The following ATP11A variants were observed in gnomAD, a reference collection of about 807,000 sequenced individuals.
ATP11A encodes the protein phospholipid-transporting ATPase IH.
A neutral mutation model predicts 154.4 loss-of-function variants in ATP11A; 81 were observed. The ratio of observed to expected loss-of-function variants is 0.52; its 90% CI spans 0.44 to 0.63. ATP11A has a LOEUF of 0.63. Ranked by LOEUF, ATP11A falls within the 30% of genes least tolerant of loss-of-function variation. ATP11A has a pLI of 0.00. For missense variants in ATP11A, 1,316 were observed against 1,474.3 expected, an observed-to-expected ratio of 0.89 and a Z score of 1.76; for synonymous variants, 623 against 585.9, an observed-to-expected ratio of 1.06 and a Z score of -0.91.
chr13:112,746,040 A>C lies in ATP11A; in HGVS notation c.40-39095A>C, dbSNP rs760670159. The C allele has an allele frequency of 1.3e-5, 2 of 152,026 alleles. No homozygotes were observed. Among genetic ancestry groups the C allele is most frequent in the Non-Finnish European group, 2.9e-5 (2 of 68,032 alleles). 9.4% of individuals were successfully genotyped at this position (152,026 alleles called of 1,614,324 possible). The stretch of plus-strand genomic sequence containing the variant: ...TCCTGTGTCGTTTTGTGGCGGAATC[A>C]CGTTCTGTTGTGTGTATACACCACG... On this transcript the variant is annotated intron_variant, in intron 1 of 29. Coordinates refer to ENST00000375645, the MANE Select transcript of ATP11A (RefSeq NM_015205.3). This position sits in a 1 kb window ranked among gnomAD's most constrained non-coding sequence, Gnocchi z 4.1.
intron 1 of ATP11A, among the ~76,000 whole-genome samples, chr13:112,769,153 A>G (rs2077167354): frequency 6.6e-6 from 1 of 151,836 alleles, no homozygotes; most frequent in South Asian, 2.1e-4. Context: ...CCAGGCTCCT[A>G]CCCTTCCCCA....
At chr13:112,727,128 A>G (rs1040171933) in intron 1 of ATP11A, among the ~76,000 whole-genome samples, 3 of 152,106 alleles carry the variant, frequency 2.0e-5, no homozygotes, top group Admixed American at 1.3e-4. Flanking sequence ...GCTCACTGCA[A>G]TCTCCGCCTC....
chr13:112,753,330 C>G lies in ATP11A; in HGVS notation c.40-31805C>G, dbSNP rs777794572. On this transcript the variant is annotated intron_variant, in intron 1 of 29. Transcript: ENST00000375645. The surrounding 1 kb of genome is among the most constrained non-coding windows in gnomAD (Gnocchi z 4.1). ...CCTTGTGAGTACATCAGCTATATTT[C>G]TGCGAGGACAGCTTTGGGATCGCTT... 6.6e-6 allele frequency among the ~76,000 whole-genome samples: 1 copy of G among 152,208 alleles called. No individual in the cohort carries two copies.
rs1035512451 is a variant in ATP11A at position 112,883,874 on chromosome 13, T to C, written c.*2008T>C. On this transcript the variant is annotated 3_prime_UTR_variant, in exon 30 of 30. Transcript: ENST00000375645. ...AATATGGGCATAAATGTAACACCTG[T>C]AGCGGGGGCAGATTCTCTGTATGTT... The C allele has an allele frequency of 6.6e-6, 1 of 152,626 alleles. No individual in the cohort carries two copies. The highest frequency in any genetic ancestry group is 2.4e-5 in the African/African-American group (1 of 41,480). The allele number at this position is 152,626 out of a possible 1,614,324, so 9.5% of individuals were successfully genotyped here. A position where few individuals can be genotyped will look rare whatever the true frequency, so the allele number is the denominator to read the frequency against.
At chr13:112,724,918 T>C (rs1889651331) in intron 1 of ATP11A, among the ~76,000 whole-genome samples, 2 of 152,210 alleles carry the variant, frequency 1.3e-5, no homozygotes. Context: ...GTGATCTGCC[T>C]TCCTCTGCTC....
intron 1 of ATP11A, among the ~76,000 whole-genome samples, chr13:112,739,167 T>C (rs991302918): frequency 6.6e-6 from 1 of 152,160 alleles, no homozygotes; most frequent in Non-Finnish European, 1.5e-5. Context: ...AAGGACACCA[T>C]TACGAAAGTG....
intron 28 of ATP11A, 24 bp from the exon 29 acceptor site, chr13:112,878,193 G>A (rs1025623847): frequency 7.3e-5 from 118 of 1,609,886 alleles, no homozygotes; most frequent in East Asian, 1.3e-4. Context: ...CCCTGTGTGC[G>A]TGGCCGCTGA....
rs566164842 is a variant in ATP11A at position 112,875,716 on chromosome 13, A to G, written c.3162-60A>G. The G allele has an allele frequency of 1.3e-6, 2 of 1,555,884 alleles. No individual in the cohort carries two copies. The highest frequency in any genetic ancestry group is 2.3e-5 in the East Asian group (1 of 44,146). On this transcript the variant is annotated intron_variant, in intron 27 of 29. Transcript: ENST00000375645. This position sits in a 1 kb window ranked among gnomAD's most constrained non-coding sequence, Gnocchi z 4.1. ...TGAACAGACGGCCTCTCCAGTGAGT[A>G]GAGAGGCCAGCCCCAGGGAGTACAT...
chr13:112,851,128 C>A lies in ATP11A; in HGVS notation c.1901C>A (p.Ala634Asp). 1 of 1,614,150 alleles carries A rather than the reference C, an allele frequency of 6.2e-7. No individual in the cohort carries two copies. Among genetic ancestry groups the A allele is most frequent in the Non-Finnish European group, 8.5e-7 (1 of 1,180,012 alleles). The change falls in exon 18 of 30, where the codon GCC becomes GAC. Residue 634 changes from alanine to aspartate, a missense_variant. By Grantham distance (126) the Ala-to-Asp change is moderately radical. Around this residue, in one of 5 missense-constraint regions of ATP11A, gnomAD observed 876 missense variants for 1,006.8 expected, o/e 0.87. Transcript: ENST00000375645. ...ICKLLQAAKV[A>D]LQDREKKLAE... The stretch of plus-strand genomic sequence containing the variant: ...AAGCTGCTGCAGGCTGCCAAAGTGG[C>A]CCTTCAAGATCGAGAGAAAAAGTTA...
In ATP11A at chr13:112,882,646, C is replaced by T. The variant is rs890191869; in HGVS notation, c.*780C>T. On this transcript the variant is annotated 3_prime_UTR_variant, in exon 30 of 30. Transcript: ENST00000375645. This position sits in a 1 kb window ranked among gnomAD's most constrained non-coding sequence, Gnocchi z 5.1. ...TCGGTCTCCCCATCACCGGCCGCCT[C>T]GTGGAGAAGGCAGTGCCACGTGGGA... The T allele has an allele frequency of 1.8e-5, 7 of 399,988 alleles. No individual in the cohort carries two copies. Among genetic ancestry groups the T allele is most frequent in the African/African-American group, 8.2e-5 (4 of 48,622 alleles). The allele number at this position is 399,988 out of a possible 1,614,324, so 24.8% of individuals were successfully genotyped here.
At chr13:112,818,865 C>T (rs528485838) in intron 6 of ATP11A, among the ~76,000 whole-genome samples, 2 of 152,334 alleles carry the variant, frequency 1.3e-5, no homozygotes, top group South Asian at 4.1e-4. Context: ...AAGTAGAAGG[C>T]CTGTGCCACC....
At chr13:112,755,943 C>T (rs1466988868) in intron 1 of ATP11A, among the ~76,000 whole-genome samples, 1 of 135,154 alleles carries the variant, frequency 7.4e-6, no homozygotes, top group Non-Finnish European at 1.6e-5. Flanking sequence ...CTCCCAGAAC[C>T]ATTTCCGGTC....
At chr13:112,763,097 A>G (rs970858548) in intron 1 of ATP11A, among the ~76,000 whole-genome samples, 6 of 152,224 alleles carry the variant, frequency 3.9e-5, no homozygotes, top group Non-Finnish European at 8.8e-5. Context: ...GAGTATAAAG[A>G]TCTTCTTCCT....
rs147822357 is a variant in ATP11A, at chr13:112,852,782, T to TGG, written c.1992-1496_1992-1495dup. ...GAAGAGTGGAGAGTTAATGCCTGGT[T>TGG]GGCGGGGGGGGATCTCAGTGGCTTT... On this transcript the variant is annotated intron_variant, in intron 18 of 29. Transcript: ENST00000375645. 6.5e-3 allele frequency among the ~76,000 whole-genome samples: 817 copies of TGG among 126,188 alleles called. 22 individuals are homozygous for TGG. Among genetic ancestry groups the TGG allele is most frequent in the African/African-American group, 0.021 (623 of 29,578 alleles). The allele number at this position is 126,188 out of a possible 152,430, so 82.8% of individuals were successfully genotyped here. A position where few individuals can be genotyped will look rare whatever the true frequency, so the allele number is the denominator to read the frequency against.
At chr13:112,860,589 A>G (rs1297979680) in intron 24 of ATP11A, 175 bp downstream of exon 24, 2 of 680,744 alleles carry the variant, frequency 2.9e-6, no homozygotes, top group Non-Finnish European at 4.8e-6. Flanking sequence ...CATAGCTCAA[A>G]TGGAGATTCT....
intron 3 of ATP11A, 59 bp downstream of exon 3, chr13:112,805,105 A>G: frequency 1.6e-6 from 2 of 1,277,234 alleles, no homozygotes; most frequent in African/African-American, 1.5e-5. Flanking sequence ...GTGACATTTT[A>G]TTCTCAGGTA....
In ATP11A at chr13:112,844,552, C is replaced by T. The variant is rs548845579; in HGVS notation, c.1809+2173C>T. On this transcript the variant is annotated intron_variant, in intron 17 of 29. Coordinates refer to ENST00000375645, the MANE Select transcript of ATP11A (RefSeq NM_015205.3). ...CTCGCCGTCACTGCAGATTCGTGCCCACCTTCTGGAGCTTCCTATCAGCAG... is the reference window on the plus strand; with the variant it reads ...CTCGCCGTCACTGCAGATTCGTGCCTACCTTCTGGAGCTTCCTATCAGCAG... Among the ~76,000 whole-genome samples the T allele has an allele frequency of 5.9e-5, 9 of 152,320 alleles. No individual in the cohort carries two copies. The East Asian group carries it at 1.5e-3, about 26-fold the overall frequency.
intron 1 of ATP11A, among the ~76,000 whole-genome samples, chr13:112,738,051 C>T (rs1891171883): frequency 1.3e-5 from 2 of 152,168 alleles, no homozygotes; most frequent in African/African-American, 2.4e-5. Context: ...CGCCGGCTTC[C>T]CAAAGCTCTT....
At chr13:112,765,143 G>GCCGCCCCCCCCCCCCCC (rs2077043451) in intron 1 of ATP11A, among the ~76,000 whole-genome samples, 1 of 54,774 alleles carries the variant, frequency 1.8e-5, no homozygotes, top group Non-Finnish European at 3.0e-5. Flanking sequence ...TGGCTGGCTT[G>GCCGCCCCCCCCCCCCCC]CCCCCCCTCC....
Sources: gnomAD v4.1 joint callset for allele counts (sites outside exome capture counted in the v4.1 genomes callset) on GRCh38, gnomAD v4.1.1 for gene constraint, gnomAD v4.1.1 regional missense constraint, Gnocchi (gnomAD v3.1) non-coding constraint, MANE v1.5 for transcripts, NCBI Gene and HGNC (gene_info 2026-07-23, HGNC 2026-07-21) for gene names.